The following CLIP4 variants were observed in gnomAD, a reference collection of about 807,000 sequenced individuals.
CLIP4 encodes CAP-Gly domain containing linker protein family member 4, also known as CAP-Gly domain-containing linker protein 4.
CLIP4 carries 47 observed loss-of-function variants against 73.1 expected under a neutral mutation model. That is an observed-to-expected ratio of 0.64 (90% CI 0.51 to 0.82). CLIP4 has a LOEUF of 0.82. Among genes scored for constraint, CLIP4 ranks in the 40% least tolerant of loss-of-function variants. The pLI, the probability that CLIP4 is intolerant of heterozygous loss-of-function variation, is 0.00. For synonymous variants in CLIP4, 306 were observed against 295.4 expected, an observed-to-expected ratio of 1.04 and a Z score of -0.37; for missense variants, 874 against 852.9, an observed-to-expected ratio of 1.02 and a Z score of -0.31.
intron 15 of CLIP4, chr2:29,175,512 C>G (rs1446761411): frequency 6.6e-6 from 1 of 152,176 alleles, no homozygotes; most frequent in African/African-American, 2.4e-5. Flanking sequence ...GTGTCCAAAT[C>G]AGTGTCGAGA....
intron 14 of CLIP4, chr2:29,167,745 C>A: frequency 2.4e-6 from 1 of 413,172 alleles, no homozygotes; most frequent in South Asian, 6.3e-5. Context: ...TACCCCATCC[C>A]ATCTCATCTG....
intron 13 of CLIP4, among the ~76,000 whole-genome samples, chr2:29,165,248 T>C (rs1342227102): frequency 4.7e-5 from 4 of 84,898 alleles, no homozygotes; most frequent in Admixed American, 4.7e-4. Flanking sequence ...AGATGGTTTG[T>C]TCTTTCTTTC....
chr2:29,130,914 T>C (rs1483635926), intron 2 of CLIP4: 6 of 1,290,366 alleles, frequency 4.6e-6, no homozygotes, highest in East Asian at 1.1e-4. Flanking sequence ...AGTAGAATAA[T>C]AGAGGAAAGA....
chr2:29,166,671 G>A (rs997053710), intron 13 of CLIP4, among the ~76,000 whole-genome samples: 1 of 151,790 alleles, frequency 6.6e-6, no homozygotes, highest in Non-Finnish European at 1.5e-5. Context: ...CCTCTCAACT[G>A]TCTGTTACTA....
At chr2:29,176,958 G>T (rs530135815) in intron 15 of CLIP4, among the ~76,000 whole-genome samples, 1 of 152,022 alleles carries the variant, frequency 6.6e-6, no homozygotes, top group African/African-American at 2.4e-5. Flanking sequence ...TAAAGCTTTC[G>T]AATTCTCAAA....
chr2:29,141,597 C>T (rs957848406), intron 6 of CLIP4, among the ~76,000 whole-genome samples: 4 of 152,282 alleles, frequency 2.6e-5, no homozygotes, highest in Non-Finnish European at 5.9e-5. Context: ...TCCCTCTTGA[C>T]TGTTGTTGGC....
chr2:29,102,610 C>T (rs555293235), intron 1 of CLIP4, among the ~76,000 whole-genome samples: 6 of 151,770 alleles, frequency 4.0e-5, no homozygotes, highest in East Asian at 3.9e-4. Context: ...TCTGAAGCAC[C>T]GCATCACTTC....
intron 12 of CLIP4, 105 bp from the exon 13 acceptor site, chr2:29,163,726 G>A (rs547157812): frequency 1.4e-5 from 15 of 1,092,952 alleles, no homozygotes; most frequent in African/African-American, 1.1e-4. Context: ...CCTCATTTTG[G>A]TCATTTATGG....
intron 14 of CLIP4, 118 bp from the exon 15 acceptor site, chr2:29,174,255 G>C: frequency 1.1e-6 from 1 of 922,498 alleles, no homozygotes; most frequent in Non-Finnish European, 1.6e-6. Flanking sequence ...CCAGCCTGCT[G>C]TTTTGAAAGA....
Position 29,131,394 on chromosome 2 carries a change from T to C in CLIP4, c.270T>C (p.Asn90=), listed in dbSNP as rs767535341. The C allele has an allele frequency of 1.9e-6, 3 of 1,592,040 alleles. No homozygotes were observed. Among genetic ancestry groups the C allele is most frequent in the East Asian group, 4.5e-5 (2 of 44,338 alleles). Residue 90 remains asparagine, a synonymous_variant, in exon 3 of 16, where the codon AAT becomes AAC. Transcript: ENST00000320081. ...QVQQNIDIIG[N]EILKRGCNVN... Reference sequence around the variant, plus strand: ...AACAAAACATTGACATTATTGGAAATGAGGTAAGGAATTCTTACATTTTAA... The same window carrying C: ...AACAAAACATTGACATTATTGGAAACGAGGTAAGGAATTCTTACATTTTAA...
At position 29,121,421 on chromosome 2, in the gene CLIP4, AGAAG is replaced by A; in HGVS notation, c.37_40del (p.Gly13IlefsTer61). On this transcript the variant is annotated frameshift_variant, in exon 2 of 16. Coordinates refer to ENST00000320081, the MANE Select transcript of CLIP4 (RefSeq NM_024692.6). LOFTEE classifies it high-confidence loss of function. Reference sequence around the variant, plus strand: ...TAGAGGACCTTCCAGATTTTCCATTAGAAGGAAATCCTTTGTTTGGAAGATACCC... The same window carrying A: ...TAGAGGACCTTCCAGATTTTCCATTAGAAATCCTTTGTTTGGAAGATACCC... 2 of 1,613,602 alleles carry A rather than the reference AGAAG, an allele frequency of 1.2e-6. No homozygotes were observed. The highest frequency in any genetic ancestry group is 1.7e-6 in the Non-Finnish European group (2 of 1,179,802).
chr2:29,157,580 C>T (rs889739887), intron 11 of CLIP4, among the ~76,000 whole-genome samples: 1 of 152,022 alleles, frequency 6.6e-6, no homozygotes, highest in African/African-American at 2.4e-5. Context: ...GTGGTTTTAC[C>T]TCATCTGAAT....
In CLIP4 at chr2:29,181,635, C is replaced by T. The variant is rs148153994; in HGVS notation, c.1860C>T (p.Ser620=). 169 of 1,614,052 alleles carry T rather than the reference C, an allele frequency of 1.0e-4. No individual in the cohort carries two copies. The African/African-American group carries it at 1.7e-3, about 16-fold the overall frequency. The stretch of plus-strand genomic sequence containing the variant: ...CCACCGCAGGTGGCATTGAAGGGAG[C>T]GTGAAGCTGCACGAGGGGTCTCAGG... The part of the protein sequence containing the change: ...STPTAGGIEG[S]VKLHEGSQVL... The change falls in exon 16 of 16, where the codon AGC becomes AGT. Residue 620 remains serine, a synonymous_variant. Coordinates refer to ENST00000320081, the MANE Select transcript of CLIP4 (RefSeq NM_024692.6).
intron 2 of CLIP4, among the ~76,000 whole-genome samples, chr2:29,122,497 T>G (rs1194037434): frequency 6.6e-6 from 1 of 152,142 alleles, no homozygotes; most frequent in Non-Finnish European, 1.5e-5. Context: ...ATTGTAGCGC[T>G]TTGGGATGGA....
rs558212837 is a variant in CLIP4 at position 29,163,287 on chromosome 2, T to C, written c.1535-544T>C. On this transcript the variant is annotated intron_variant, in intron 12 of 15. Transcript: ENST00000320081. ...GTAAAAAAAAAAAGATTTTTCTTTT[T>C]ACCTTGGGTGGAAAAAAGAAAAGAA... Among the ~76,000 whole-genome samples the C allele has an allele frequency of 1.6e-4, 24 of 152,230 alleles. No homozygotes were observed. The South Asian group carries it at 3.5e-3, about 22-fold the overall frequency.
At chr2:29,138,477 G>GCT (rs1665530431) in intron 6 of CLIP4, among the ~76,000 whole-genome samples, 1 of 146,038 alleles carries the variant, frequency 6.8e-6, no homozygotes, top group African/African-American at 2.5e-5. Context: ...GATTGCTTTG[G>GCT]CTATTTGGGC....
chr2:29,175,407 C>G (rs1483772587), intron 15 of CLIP4: 3 of 152,124 alleles, frequency 2.0e-5, no homozygotes, highest in Non-Finnish European at 4.4e-5. Flanking sequence ...AGTTTATGCT[C>G]CAGTTTATTG....
intron 9 of CLIP4, 146 bp from the exon 10 acceptor site, chr2:29,156,208 G>T: frequency 1.9e-6 from 1 of 534,322 alleles, no homozygotes. Flanking sequence ...ACCAAAACAT[G>T]TCCTCATATG....
At chr2:29,174,303 T>A in intron 14 of CLIP4, 70 bp from the exon 15 acceptor site, 1 of 1,260,578 alleles carries the variant, frequency 7.9e-7, no homozygotes, top group Non-Finnish European at 1.1e-6. Flanking sequence ...GAAGAAGTGA[T>A]AAAATATCAT....
Sources: allele counts gnomAD v4.1 joint callset (sites outside exome capture counted in the v4.1 genomes callset), GRCh38; gene constraint gnomAD v4.1.1; transcripts MANE v1.5; gene names NCBI Gene and HGNC (gene_info 2026-07-23, HGNC 2026-07-21).